The following CLNK variants were observed in gnomAD, a reference collection of about 807,000 sequenced individuals.
CLNK encodes cytokine dependent hematopoietic cell linker.
A neutral mutation model predicts 68.6 loss-of-function variants in CLNK; 74 were observed. The observed-to-expected ratio is 1.08, with a 90% confidence interval of 0.89 to 1.31. The LOEUF (loss-of-function observed/expected upper bound fraction) is 1.31. Among genes scored for constraint, CLNK ranks in the 50% most tolerant of loss-of-function variants. The probability of loss-of-function intolerance (pLI) is 0.00; values close to 1 mark genes in which losing one functional copy is unlikely to be tolerated. For missense variants in CLNK, 553 were observed against 515.3 expected (o/e 1.07, Z -0.71); for synonymous variants, 198 against 172.2 (o/e 1.15, Z -1.17).
chr4:10,519,019 G>A (rs572541845), intron 15 of CLNK, among the ~76,000 whole-genome samples: 2 of 152,274 alleles, frequency 1.3e-5, no homozygotes, highest in African/African-American at 2.4e-5. Context: ...AAGGTGGGGT[G>A]GTCTTCACTC....
At chr4:10,560,922 G>T (rs1479016445) in intron 7 of CLNK, among the ~76,000 whole-genome samples, 1 of 151,506 alleles carries the variant, frequency 6.6e-6, no homozygotes, top group Non-Finnish European at 1.5e-5. Flanking sequence ...TCTGAGACAA[G>T]GTCTTGTTCT....
intron 11 of CLNK, among the ~76,000 whole-genome samples, chr4:10,539,804 G>A (rs1718943518): frequency 6.6e-6 from 1 of 152,168 alleles, no homozygotes; most frequent in Admixed American, 6.5e-5. Flanking sequence ...CCTGGGTGAT[G>A]GGAAGCTGGG....
At chr4:10,722,500 C>T in the CLNK span, among the ~76,000 whole-genome samples, 2 of 152,216 alleles carry the variant, frequency 1.3e-5, no homozygotes, top group South Asian at 4.1e-4. Flanking sequence ...TATTATGCAG[C>T]TTTCGATAAC....
At chr4:10,509,703 T>C (rs1481073237) in intron 16 of CLNK, among the ~76,000 whole-genome samples, 1 of 152,132 alleles carries the variant, frequency 6.6e-6, no homozygotes, top group Non-Finnish European at 1.5e-5. Flanking sequence ...TTTTTGTATT[T>C]TTAGTAGAGA....
At chr4:10,730,666 A>G in the CLNK span, among the ~76,000 whole-genome samples, 5 of 152,154 alleles carry the variant, frequency 3.3e-5, no homozygotes, top group African/African-American at 9.7e-5. Flanking sequence ...AAAAAACCCA[A>G]CCGATCAAAA....
At chr4:10,732,398 A>G in the CLNK span, among the ~76,000 whole-genome samples, 5 of 152,194 alleles carry the variant, frequency 3.3e-5, no homozygotes, top group South Asian at 8.3e-4. Flanking sequence ...TGGATTTTTG[A>G]ACTTCATCTT....
intron 2 of CLNK, among the ~76,000 whole-genome samples, chr4:10,640,755 C>A (rs985811182): frequency 6.6e-6 from 1 of 152,254 alleles, no homozygotes; most frequent in Admixed American, 6.5e-5. Flanking sequence ...TGCCTTCTCC[C>A]AAGCACCGCA....
intron 8 of CLNK, among the ~76,000 whole-genome samples, chr4:10,552,809 CT>C (rs1719513512): frequency 6.6e-6 from 1 of 152,182 alleles, no homozygotes; most frequent in African/African-American, 2.4e-5. Context: ...CCTGGTCTCT[CT>C]TTATGCAGTG....
the CLNK span, among the ~76,000 whole-genome samples, chr4:10,731,966 G>C: frequency 2.0e-5 from 3 of 152,242 alleles, no homozygotes; most frequent in South Asian, 6.2e-4. Flanking sequence ...AGTAGTGTTT[G>C]CTGATTTTCA....
rs568997594 is a variant in CLNK, at chr4:10,627,052, G to T, written c.12-29003C>A. On this transcript the variant is annotated intron_variant, in intron 2 of 18. Transcript: ENST00000226951. Reference sequence around the variant, plus strand: ...TGCTACATCAGCGAGAGGTCAAAGCGGTGTCCAGGGCAGCTTTCCCTTTAA... The same window carrying T: ...TGCTACATCAGCGAGAGGTCAAAGCTGTGTCCAGGGCAGCTTTCCCTTTAA... Among the ~76,000 whole-genome samples, 17 of 152,266 alleles carry T rather than the reference G, an allele frequency of 1.1e-4. No homozygotes were observed. In the South Asian group the frequency reaches 2.9e-3, roughly 26 times the overall value.
chr4:10,729,793 C>G, the CLNK span, among the ~76,000 whole-genome samples: 6 of 152,222 alleles, frequency 3.9e-5, no homozygotes, highest in Middle Eastern at 6.8e-3. Context: ...AATTACCTGC[C>G]CATTAACTTT....
intron 16 of CLNK, among the ~76,000 whole-genome samples, chr4:10,512,078 C>A (rs940908659): frequency 4.6e-5 from 7 of 152,116 alleles, no homozygotes; most frequent in African/African-American, 1.7e-4. Context: ...GTGGTCCAAG[C>A]CTGTCTCATG....
intron 17 of CLNK, among the ~76,000 whole-genome samples, chr4:10,506,565 G>A (rs1366961158): frequency 1.3e-5 from 2 of 152,168 alleles, no homozygotes; most frequent in East Asian, 3.9e-4. Flanking sequence ...AGACCCAACA[G>A]TACTTTGGGC....
At chr4:10,679,054 C>A (rs1381486926) in intron 1 of CLNK, among the ~76,000 whole-genome samples, 1 of 152,170 alleles carries the variant, frequency 6.6e-6, no homozygotes, top group East Asian at 1.9e-4. Flanking sequence ...GCGTGCATTG[C>A]CAACTCAATC....
At chr4:10,504,868 A>G (rs951173850) in intron 17 of CLNK, among the ~76,000 whole-genome samples, 1 of 152,236 alleles carries the variant, frequency 6.6e-6, no homozygotes, top group Admixed American at 6.5e-5. Flanking sequence ...GGAAAATATG[A>G]AAAGGAAAAT....
chr4:10,691,183 A>G, the CLNK span, among the ~76,000 whole-genome samples: 2 of 152,168 alleles, frequency 1.3e-5, no homozygotes, highest in Non-Finnish European at 2.9e-5. Context: ...GTATTGGGAT[A>G]TACATATATA....
the CLNK span, among the ~76,000 whole-genome samples, chr4:10,694,081 C>A: frequency 6.6e-6 from 1 of 151,916 alleles, no homozygotes; most frequent in Non-Finnish European, 1.5e-5. Context: ...GTGGTAGAGG[C>A]GAGGAAACCA....
At chr4:10,686,708 G>A (rs546038681), upstream of CLNK, among the ~76,000 whole-genome samples, 219 of 151,528 alleles carry the variant, frequency 1.4e-3, no homozygotes, top group Non-Finnish European at 2.5e-3. Flanking sequence ...TATTCAAGGG[G>A]TGAATGAAGA....
intron 1 of CLNK, among the ~76,000 whole-genome samples, chr4:10,668,438 G>A (rs955796116): frequency 1.3e-5 from 2 of 152,144 alleles, no homozygotes; most frequent in East Asian, 3.8e-4. Flanking sequence ...GAGACCCTGG[G>A]AGTATTCAGT....
Sources: allele counts gnomAD v4.1 joint callset (sites outside exome capture counted in the v4.1 genomes callset), GRCh38; gene constraint gnomAD v4.1.1; transcripts MANE v1.5; gene names NCBI Gene and HGNC (gene_info 2026-07-23, HGNC 2026-07-21).